The following CYP2J2 variants were observed in gnomAD, a reference collection of about 807,000 sequenced individuals.
CYP2J2 encodes cytochrome P450 family 2 subfamily J member 2, also known as cytochrome P450 2J2.
In CYP2J2, 41 loss-of-function variants were observed where a neutral mutation model predicts 48.8. That is an observed-to-expected ratio of 0.84 (90% CI 0.66 to 1.09). The LOEUF (loss-of-function observed/expected upper bound fraction) is 1.09, where lower values mean the gene tolerates loss of function less well. CYP2J2 is among the 50% of genes least tolerant of loss of function. The pLI is 0.00. For synonymous variants in CYP2J2, 221 were observed against 227.1 expected (o/e 0.97, Z 0.24); for missense variants, 644 against 617.3 (o/e 1.04, Z -0.46).
the CYP2J2 span, among the ~76,000 whole-genome samples, chr1:59,953,694 G>A: frequency 6.6e-6 from 1 of 152,152 alleles, no homozygotes; most frequent in Admixed American, 6.6e-5. Flanking sequence ...GAGGGTATTA[G>A]AGAAAGTGAT....
Position 59,893,714 on chromosome 1 carries a change from C to G in CYP2J2, c.1446G>C (p.Lys482Asn). Residue 482 changes from lysine (K) to asparagine (N), a missense_variant, in exon 9 of 9, where the codon AAG becomes AAC. Coordinates refer to ENST00000371204, the MANE Select transcript of CYP2J2 (RefSeq NM_000775.4). ...RPPNNEKLSL[K>N]FRMGITISPV... ...GGGAAATGGTGATACCCATTCTAAACTTCAGGCTCAGCTTCTCATTGTTTG... is the reference window on the plus strand; with the variant it reads ...GGGAAATGGTGATACCCATTCTAAAGTTCAGGCTCAGCTTCTCATTGTTTG... The G allele has an allele frequency of 4.3e-6, 7 of 1,613,442 alleles. No individual in the cohort carries two copies. The highest frequency in any genetic ancestry group is 5.9e-6 in the Non-Finnish European group (7 of 1,179,700).
At chr1:59,963,509 TTA>T in the CYP2J2 span, among the ~76,000 whole-genome samples, 3 of 152,236 alleles carry the variant, frequency 2.0e-5, no homozygotes, top group Non-Finnish European at 4.4e-5. Flanking sequence ...ATGTTACAGC[TTA>T]TATCAGAACC....
upstream of CYP2J2, among the ~76,000 whole-genome samples, chr1:59,931,753 C>T (rs936846191): frequency 1.3e-5 from 2 of 152,010 alleles, no homozygotes; most frequent in African/African-American, 4.8e-5. Flanking sequence ...AACATAAAAT[C>T]TAGCTAGAAT....
At chr1:59,954,696 C>T in the CYP2J2 span, among the ~76,000 whole-genome samples, 1 of 151,550 alleles carries the variant, frequency 6.6e-6, no homozygotes, top group African/African-American at 2.4e-5. Flanking sequence ...AGGATCAAAC[C>T]CATGAGTAAA....
upstream of CYP2J2, among the ~76,000 whole-genome samples, chr1:59,927,949 C>A (rs1161224931): frequency 1.3e-5 from 2 of 152,140 alleles, no homozygotes; most frequent in African/African-American, 4.8e-5. Context: ...CCTTCTAGTC[C>A]ACATTTTCCT....
chr1:59,903,871 A>T (rs953918623), intron 7 of CYP2J2, among the ~76,000 whole-genome samples: 66 of 152,296 alleles, frequency 4.3e-4, no homozygotes, highest in African/African-American at 1.4e-3. Flanking sequence ...TGCAAACCTA[A>T]TTTTTCTGAG....
chr1:59,905,091 A>G, intron 6 of CYP2J2, 33 bp from the exon 7 acceptor site: 1 of 1,594,286 alleles, frequency 6.3e-7, no homozygotes, highest in Non-Finnish European at 8.5e-7. Context: ...ATTATTTTTT[A>G]AACTTTTATG....
chr1:59,905,144 G>A (rs972685426), intron 6 of CYP2J2, 86 bp from the exon 7 acceptor site: 1 of 1,347,350 alleles, frequency 7.4e-7, no homozygotes, highest in Middle Eastern at 2.2e-4. Flanking sequence ...GATGTCATCT[G>A]TTGTATTTCA....
At chr1:59,947,120 T>C in the CYP2J2 span, among the ~76,000 whole-genome samples, 1 of 152,290 alleles carries the variant, frequency 6.6e-6, no homozygotes, top group East Asian at 1.9e-4. Context: ...TAGCTACTTT[T>C]ATTTCTCCAC....
At position 59,894,109 on chromosome 1, in the gene CYP2J2, C is replaced by T. The variant is rs556792881; in HGVS notation, c.1331-280G>A. On this transcript the variant is annotated intron_variant, in intron 8 of 8. Coordinates refer to ENST00000371204, the MANE Select transcript of CYP2J2 (RefSeq NM_000775.4). ...GGTGTAGGACCATAGAAGCGGAAGG[C>T]GTGGGCTGAGCTAGAAAGGGGATGT... Among the ~76,000 whole-genome samples the T allele has an allele frequency of 7.2e-5, 11 of 152,006 alleles. No homozygotes were observed. In the South Asian group the frequency reaches 1.3e-3, roughly 17 times the overall value.
At chr1:59,939,934 G>A in the CYP2J2 span, among the ~76,000 whole-genome samples, 15 of 152,230 alleles carry the variant, frequency 9.9e-5, 1 homozygote, top group South Asian at 2.9e-3. Context: ...CAGTCAGCTT[G>A]TGGTGAATGC....
At chr1:59,960,974 T>C in the CYP2J2 span, among the ~76,000 whole-genome samples, 1 of 152,204 alleles carries the variant, frequency 6.6e-6, no homozygotes, top group Non-Finnish European at 1.5e-5. Context: ...CACTTCATAC[T>C]ATACACAAAA....
chr1:59,893,773 T>C lies in CYP2J2; in HGVS notation c.1387A>G (p.Thr463Ala). ...AAGGTAAATTTTTGCATAAGGGAAG[T>C]GAAGAAAATAAACAGCTCAGTCCTG... The part of the protein sequence containing the change: ...LARTELFIFF[T>A]SLMQKFTFRP... The change falls in exon 9 of 9, where the codon ACT becomes GCT. Residue 463 changes from threonine (T) to alanine (A), a missense_variant. Coordinates refer to ENST00000371204, the MANE Select transcript of CYP2J2 (RefSeq NM_000775.4). 1 of 1,613,356 alleles carries C rather than the reference T, an allele frequency of 6.2e-7. No homozygotes were observed. Among genetic ancestry groups the C allele is most frequent in the Non-Finnish European group, 8.5e-7 (1 of 1,179,722 alleles).
chr1:59,904,903 C>T lies in CYP2J2; in HGVS notation c.1159G>A (p.Asp387Asn). 3 of 1,613,806 alleles carry T rather than the reference C, an allele frequency of 1.9e-6. No homozygotes were observed. Among genetic ancestry groups the T allele is most frequent in the Non-Finnish European group, 2.5e-6 (3 of 1,179,894 alleles). ...AGGTGGTACCCAGCCAAAGTGGTATCAACTGTCACTTCCCTGGGAACGTTC... is the reference window on the plus strand; with the variant it reads ...AGGTGGTACCCAGCCAAAGTGGTATTAACTGTCACTTCCCTGGGAACGTTC... ...PLNVPREVTV[D>N]TTLAGYHLPK... Residue 387 changes from aspartate to asparagine, a missense_variant, in exon 7 of 9, where the codon GAT becomes AAT. By Grantham distance (23) the Asp-to-Asn change is conservative. Coordinates refer to ENST00000371204, the MANE Select transcript of CYP2J2 (RefSeq NM_000775.4).
At chr1:59,904,663 A>G in intron 7 of CYP2J2, 1 of 525,376 alleles carries the variant, frequency 1.9e-6, no homozygotes, top group Non-Finnish European at 3.3e-6. Flanking sequence ...ATCTAAACAT[A>G]TTTAACGTAG....
chr1:59,935,859 C>T, the CYP2J2 span, among the ~76,000 whole-genome samples: 3 of 152,340 alleles, frequency 2.0e-5, no homozygotes, highest in South Asian at 2.1e-4. Context: ...CTGCAACCTC[C>T]TTCTCCCAGG....
chr1:59,905,615 C>CAGGT (rs1644358297), intron 6 of CYP2J2, among the ~76,000 whole-genome samples: 1 of 152,230 alleles, frequency 6.6e-6, no homozygotes, highest in African/African-American at 2.4e-5. Context: ...AGGTAAGACC[C>CAGGT]ATCAGGTTGC....
chr1:59,963,792 T>C, the CYP2J2 span, among the ~76,000 whole-genome samples: 3 of 152,224 alleles, frequency 2.0e-5, no homozygotes, highest in Admixed American at 6.5e-5. Flanking sequence ...AACAACTCTC[T>C]AAGCTGTTTT....
At chr1:59,949,615 T>C in the CYP2J2 span, among the ~76,000 whole-genome samples, 1 of 151,756 alleles carries the variant, frequency 6.6e-6, no homozygotes, top group Non-Finnish European at 1.5e-5. Context: ...AACAATTCCA[T>C]CATGAGTAAA....
Sources: gnomAD v4.1 joint callset for allele counts (sites outside exome capture counted in the v4.1 genomes callset) on GRCh38, gnomAD v4.1.1 for gene constraint, MANE v1.5 for transcripts, NCBI Gene and HGNC (gene_info 2026-07-23, HGNC 2026-07-21) for gene names.